The following FBXO30 variants were observed in gnomAD, a reference collection of about 807,000 sequenced individuals.
FBXO30 encodes the protein F-box only protein 30.
FBXO30 carries 21 observed loss-of-function variants against 58.1 expected under a neutral mutation model. The observed-to-expected ratio is 0.36, with a 90% CI of 0.26 to 0.52. The LOEUF (loss-of-function observed/expected upper bound fraction) is 0.52. FBXO30 is among the 20% of genes least tolerant of loss of function. FBXO30 has a pLI of 0.93. For missense variants in FBXO30, 744 were observed against 897.3 expected (o/e 0.83, Z 2.18); for synonymous variants, 309 against 312.4 (o/e 0.99, Z 0.11).
rs758232133 is a variant in FBXO30, at chr6:145,798,838, C to T, written c.*1268G>A. The T allele has an allele frequency of 2.6e-5, 4 of 152,030 alleles. No homozygotes were observed. Among genetic ancestry groups the T allele is most frequent in the African/African-American group, 9.7e-5 (4 of 41,422 alleles). 9.4% of individuals were successfully genotyped at this position (152,030 alleles called of 1,614,324 possible). On this transcript the variant is annotated 3_prime_UTR_variant, in exon 3 of 3. Coordinates refer to ENST00000237281, the MANE Select transcript of FBXO30 (RefSeq NM_032145.5). ...AGTTTTCACAATTTTAACAAGTAAT[C>T]TGTCACCATTTCAGACTACCAAATG...
In FBXO30 at chr6:145,797,199, CTAGTAAAATTT is replaced by C. The variant is rs1241747489; in HGVS notation, c.*2896_*2906del. On this transcript the variant is annotated 3_prime_UTR_variant, in exon 3 of 3. Transcript: ENST00000237281. ...CAATTTACCTTGAACAGAAGAAACA[CTAGTAAAATTT>C]TAGTAAAATTTTAAATACTAGTAAA... 4.6e-5 allele frequency: 7 copies of C among 151,810 alleles called. No individual in the cohort carries two copies. The highest frequency in any genetic ancestry group is 1.9e-4 in the East Asian group (1 of 5,192). 9.4% of individuals were successfully genotyped at this position (151,810 alleles called of 1,614,324 possible). A position where few individuals can be genotyped will look rare whatever the true frequency, so the allele number is the denominator to read the frequency against.
chr6:145,804,369 A>C lies in FBXO30; in HGVS notation c.2034+3T>G. On this transcript the variant is annotated splice_donor_region_variant and intron_variant, in intron 2 of 2. Coordinates refer to ENST00000237281, the MANE Select transcript of FBXO30 (RefSeq NM_032145.5). ...AATAAGAGGTTGTAAAGATTACACT[A>C]ACCTTTTCTTTTATCTGCCATGATG... The C allele has an allele frequency of 6.2e-7, 1 of 1,608,428 alleles. No individual in the cohort carries two copies. Among genetic ancestry groups the C allele is most frequent in the Non-Finnish European group, 8.5e-7 (1 of 1,177,142 alleles).
At position 145,813,581 on chromosome 6, in the gene FBXO30, A is replaced by G. The variant is rs1246496313; in HGVS notation, c.-17+1022T>C. ...GACTGCTTTGGAAAACCTTAGTATG[A>G]GCAAATGCAAAACCTGTTAATATAA... On this transcript the variant is annotated intron_variant, in intron 1 of 2. Transcript: ENST00000237281. 2.0e-5 allele frequency among the ~76,000 whole-genome samples: 3 copies of G among 152,250 alleles called. No individual in the cohort carries two copies. The East Asian group carries it at 5.8e-4, about 29-fold the overall frequency.
In FBXO30 at chr6:145,804,702, T is replaced by C. The variant is rs1470820634; in HGVS notation, c.1704A>G (p.Arg568=). The C allele has an allele frequency of 1.9e-6, 3 of 1,613,802 alleles. No individual in the cohort carries two copies. Among genetic ancestry groups the C allele is most frequent in the African/African-American group, 2.7e-5 (2 of 74,894 alleles). ...AYYGCTYSQR[R]FCPSIQGAKI... is the part of the protein sequence containing the mutation. ...TTGCTCCTTGTATTGATGGACAAAATCTACGCTGAGAATAGGTACAACCAT... is the reference window on the plus strand; with the variant it reads ...TTGCTCCTTGTATTGATGGACAAAACCTACGCTGAGAATAGGTACAACCAT... The change falls in exon 2 of 3, where the codon AGA becomes AGG. Residue 568 remains arginine, a synonymous_variant. Transcript: ENST00000237281.
rs376465635 is a variant in FBXO30, at chr6:145,805,923, A to G, written c.483T>C (p.Ser161=). The change falls in exon 2 of 3, where the codon AGT becomes AGC. Residue 161 remains serine, a synonymous_variant. Coordinates refer to ENST00000237281, the MANE Select transcript of FBXO30 (RefSeq NM_032145.5). ...CATTAGCATGTGGTATTTCTGGGAC[A>G]CTTGATTTAACTGAGATTTGTTCTC... ...KPREQISVKS[S]VPEIPHANGL... is the part of the protein sequence containing the mutation. 43 of 1,613,892 alleles carry G rather than the reference A, an allele frequency of 2.7e-5. No homozygotes were observed. The African/African-American group carries it at 5.5e-4, about 21-fold the overall frequency.
chr6:145,808,351 T>C (rs1778241311), intron 1 of FBXO30, among the ~76,000 whole-genome samples: 1 of 152,130 alleles, frequency 6.6e-6, no homozygotes, highest in African/African-American at 2.4e-5. Context: ...TCTGGAGGCA[T>C]ATTTTTCTAG....
At chr6:145,814,374 G>A (rs1378710293) in intron 1 of FBXO30, among the ~76,000 whole-genome samples, 1 of 152,088 alleles carries the variant, frequency 6.6e-6, no homozygotes, top group Non-Finnish European at 1.5e-5. Context: ...GCCCGGCGAG[G>A]ACACGAGCGC....
Position 145,806,355 on chromosome 6 carries a change from C to T in FBXO30, c.51G>A (p.Arg17=), listed in dbSNP as rs113255174. 3.7e-6 allele frequency: 6 copies of T among 1,613,910 alleles called. No individual in the cohort carries two copies. Among genetic ancestry groups the T allele is most frequent in the Admixed American group, 1.7e-5 (1 of 59,936 alleles). ...TCCCTGGCTCTGGCCTGGTCATGCACCGTCTACTGACACAATTCACACAAT... is the reference window on the plus strand; with the variant it reads ...TCCCTGGCTCTGGCCTGGTCATGCATCGTCTACTGACACAATTCACACAAT... The part of the protein sequence containing the change: ...HSHCVNCVSR[R]CMTRPEPGIS... Residue 17 remains arginine (R), a synonymous_variant, in exon 2 of 3, where the codon CGG becomes CGA. Transcript: ENST00000237281.
In FBXO30 at chr6:145,804,770, C is replaced by T. The variant is rs1778111243; in HGVS notation, c.1636G>A (p.Gly546Arg). The T allele has an allele frequency of 5.0e-6, 8 of 1,613,946 alleles. No homozygotes were observed. Among genetic ancestry groups the T allele is most frequent in the Non-Finnish European group, 5.9e-6 (7 of 1,179,910 alleles). Residue 546 changes from glycine to arginine, a missense_variant, in exon 2 of 3, where the codon GGA becomes AGA. Physicochemically the swap from Gly to Arg is moderately radical, Grantham distance 125. Around this residue, in one of 3 missense-constraint regions of FBXO30, gnomAD observed 334 missense variants for 433.7 expected, o/e 0.77. Transcript: ENST00000237281. ...CTCTGTTCCATCCAGCCATTGAGTC[C>T]AGCATGAATGTCACCATGCACATTC... Reference protein sequence around the residue: ...FKNVHGDIHAGLNGWMEQRCP... With the variant: ...FKNVHGDIHARLNGWMEQRCP...
chr6:145,814,485 C>A (rs1314794825), intron 1 of FBXO30, 118 bp downstream of exon 1: 2 of 151,898 alleles, frequency 1.3e-5, no homozygotes, highest in African/African-American at 4.8e-5. Flanking sequence ...GTCAACCCCA[C>A]GGCCGCCAGC....
chr6:145,796,407 G>C lies in FBXO30; in HGVS notation c.*3699C>G, dbSNP rs911154649. The C allele has an allele frequency of 1.3e-5, 2 of 151,846 alleles. No individual in the cohort carries two copies. Among genetic ancestry groups the C allele is most frequent in the Admixed American group, 1.3e-4 (2 of 15,230 alleles). The allele number at this position is 151,846 out of a possible 1,614,324, so 9.4% of individuals were successfully genotyped here. A position where few individuals can be genotyped will look rare whatever the true frequency, so the allele number is the denominator to read the frequency against. On this transcript the variant is annotated 3_prime_UTR_variant, in exon 3 of 3. Transcript: ENST00000237281. ...AACAAGTCACTGATGAGTTGATAAA[G>C]GTATAACTAATATTCTCTGCTTCCT...
In FBXO30 at chr6:145,805,878, T is replaced by C. The variant is rs756553456; in HGVS notation, c.528A>G (p.Glu176=). The C allele has an allele frequency of 7.4e-6, 12 of 1,613,950 alleles. No individual in the cohort carries two copies. The South Asian group carries it at 1.3e-4, about 18-fold the overall frequency. Residue 176 remains glutamate, a synonymous_variant, in exon 2 of 3, where the codon GAA becomes GAG. Coordinates refer to ENST00000237281, the MANE Select transcript of FBXO30 (RefSeq NM_032145.5). Reference sequence around the variant, plus strand: ...CTTGATAAAGTGCACCATAAGATTCTTCATCAACAGACACTAAACCATTAG... The same window carrying C: ...CTTGATAAAGTGCACCATAAGATTCCTCATCAACAGACACTAAACCATTAG... The part of the protein sequence containing the change: ...PHANGLVSVD[E]ESYGALYQAT...
rs1182242263 is a variant in FBXO30 at position 145,797,867 on chromosome 6, A to G, written c.*2239T>C. 1 of 151,958 alleles carries G rather than the reference A, an allele frequency of 6.6e-6. No individual in the cohort carries two copies. Among genetic ancestry groups the G allele is most frequent in the African/African-American group, 2.4e-5 (1 of 41,380 alleles). 9.4% of individuals were successfully genotyped at this position (151,958 alleles called of 1,614,324 possible). A position where few individuals can be genotyped will look rare whatever the true frequency, so the allele number is the denominator to read the frequency against. On this transcript the variant is annotated 3_prime_UTR_variant, in exon 3 of 3. Transcript: ENST00000237281. ...TACAATCTATTAGGCCAACATAAAA[A>G]CCTTTTCATACTTAAGAGGAGAGAG...
Position 145,805,286 on chromosome 6 carries a change from C to A in FBXO30, c.1120G>T (p.Asp374Tyr). ...GATAAGACATCCACATTCTTCACGTCCCCTAAGTCTACTTTTTTCCAACAC... is the reference window on the plus strand; with the variant it reads ...GATAAGACATCCACATTCTTCACGTACCCTAAGTCTACTTTTTTCCAACAC... ...ELCWKKVDLG[D>Y]VKNVDVLSFS... Residue 374 changes from aspartate to tyrosine, a missense_variant, in exon 2 of 3, where the codon GAC becomes TAC. Physicochemically the swap from Asp to Tyr is radical, Grantham distance 160. Transcript: ENST00000237281. 3.1e-6 allele frequency: 5 copies of A among 1,614,050 alleles called. No homozygotes were observed. Among genetic ancestry groups the A allele is most frequent in the Non-Finnish European group, 4.2e-6 (5 of 1,179,964 alleles).
In FBXO30 at chr6:145,804,545, G is replaced by A; in HGVS notation, c.1861C>T (p.Leu621=). ...DHLSSLPFEV[L]QHIAGFLDGF... ...TCGAGAAAGCCTGCAATATGCTGCA[G>A]GACCTCAAAAGGAAGACTACTTAGA... Residue 621 remains leucine (L), a synonymous_variant, in exon 2 of 3, where the codon CTG becomes TTG. Coordinates refer to ENST00000237281, the MANE Select transcript of FBXO30 (RefSeq NM_032145.5). 6.2e-7 allele frequency: 1 copy of A among 1,613,698 alleles called. No homozygotes were observed. Among genetic ancestry groups the A allele is most frequent in the Non-Finnish European group, 8.5e-7 (1 of 1,179,812 alleles).
In FBXO30 at chr6:145,798,991, T is replaced by C. The variant is rs1285451213; in HGVS notation, c.*1115A>G. The C allele has an allele frequency of 6.6e-6, 1 of 152,002 alleles. No individual in the cohort carries two copies. Among genetic ancestry groups the C allele is most frequent in the African/African-American group, 2.4e-5 (1 of 41,412 alleles). The allele number at this position is 152,002 out of a possible 1,614,324, so 9.4% of individuals were successfully genotyped here. ...TAATGGTATAAATCAATTTGAAAAC[T>C]ATAATAAACTACTTCAAGAATAGGT... On this transcript the variant is annotated 3_prime_UTR_variant, in exon 3 of 3. Transcript: ENST00000237281.
Position 145,798,844 on chromosome 6 carries a change from C to A in FBXO30, c.*1262G>T, listed in dbSNP as rs368883295. On this transcript the variant is annotated 3_prime_UTR_variant, in exon 3 of 3. Transcript: ENST00000237281. Reference sequence around the variant, plus strand: ...CACAATTTTAACAAGTAATCTGTCACCATTTCAGACTACCAAATGCTAATT... The same window carrying A: ...CACAATTTTAACAAGTAATCTGTCAACATTTCAGACTACCAAATGCTAATT... 6 of 152,120 alleles carry A rather than the reference C, an allele frequency of 3.9e-5. No individual in the cohort carries two copies. Among genetic ancestry groups the A allele is most frequent in the African/African-American group, 9.6e-5 (4 of 41,538 alleles). 9.4% of individuals were successfully genotyped at this position (152,120 alleles called of 1,614,324 possible). A position where few individuals can be genotyped will look rare whatever the true frequency, so the allele number is the denominator to read the frequency against.
rs4896849 is a variant in FBXO30 at position 145,799,722 on chromosome 6, C to G, written c.*384G>C. ...GAAAAACCTATGCTGTAAAAAATCT[C>G]AATCAAAATTTTGCTTTTTGATTGC... On this transcript the variant is annotated 3_prime_UTR_variant, in exon 3 of 3. Coordinates refer to ENST00000237281, the MANE Select transcript of FBXO30 (RefSeq NM_032145.5). 13,358 of 156,194 alleles carry G rather than the reference C, an allele frequency of 0.086. 1,614 individuals carry two copies. The highest frequency in any genetic ancestry group is 0.27 in the African/African-American group (11,111 of 41,530). 9.7% of individuals were successfully genotyped at this position (156,194 alleles called of 1,614,324 possible).
chr6:145,805,700 G>A lies in FBXO30; in HGVS notation c.706C>T (p.Gln236Ter), dbSNP rs1331408882. The change falls in exon 2 of 3, where the codon CAA becomes TAA. Residue 236 changes from glutamine (Q) to a stop codon, truncating the protein, a stop_gained. Transcript: ENST00000237281. LOFTEE classifies it high-confidence loss of function. ...ESLEDQNLKD[Q>*]DHLYEEEIGA... The stretch of plus-strand genomic sequence containing the variant: ...ATTTCCTCCTCATAAAGATGATCTT[G>A]GTCTTTCAAGTTTTGATCCTCTAAG... 5 of 1,613,976 alleles carry A rather than the reference G, an allele frequency of 3.1e-6. No homozygotes were observed. Among genetic ancestry groups the A allele is most frequent in the Non-Finnish European group, 8.5e-7 (1 of 1,179,976 alleles).
Sources: gnomAD v4.1 joint callset for allele counts (sites outside exome capture counted in the v4.1 genomes callset) on GRCh38, gnomAD v4.1.1 for gene constraint, gnomAD v4.1.1 regional missense constraint, MANE v1.5 for transcripts, NCBI Gene and HGNC (gene_info 2026-07-23, HGNC 2026-07-21) for gene names.